KXD1: variants seen among roughly 807,000 people sequenced by gnomAD.
KXD1 encodes kxDL motif-containing protein 1.
A neutral mutation model predicts 12.1 loss-of-function variants in KXD1; 5 were observed. That is an observed-to-expected ratio of 0.41 (90% CI 0.22 to 0.87). The LOEUF is 0.87. Ranked by LOEUF, KXD1 falls within the 40% of genes least tolerant of loss-of-function variation. KXD1 has a pLI of 0.31. For missense variants in KXD1, 193 were observed against 244.9 expected, an observed-to-expected ratio of 0.79 and a Z score of 1.41; for synonymous variants, 98 against 100.5, an observed-to-expected ratio of 0.98 and a Z score of 0.15.
rs760498312 is a variant in KXD1 at position 18,564,909 on chromosome 19, T to C, written c.142T>C (p.Phe48Leu). Residue 48 changes from phenylalanine (F) to leucine (L), a missense_variant, in exon 3 of 5, where the codon TTC becomes CTC. Transcript: ENST00000222307. Reference protein sequence around the residue: ...FEKTNEMLLNFNNLSSARLQQ... With the variant: ...FEKTNEMLLNLNNLSSARLQQ... ...GAAGACCAATGAGATGCTGCTCAACTTCAACAACCTGTCCAGTGCCCGCCT... is the reference window on the plus strand; with the variant it reads ...GAAGACCAATGAGATGCTGCTCAACCTCAACAACCTGTCCAGTGCCCGCCT... 1 of 1,613,800 alleles carries C rather than the reference T, an allele frequency of 6.2e-7. No individual in the cohort carries two copies. The highest frequency in any genetic ancestry group is 1.1e-5 in the South Asian group (1 of 91,082).
At chr19:18,561,418 G>C (rs1478696865) in intron 1 of KXD1, 1 of 152,312 alleles carries the variant, frequency 6.6e-6, no homozygotes, top group South Asian at 2.1e-4. Context: ...GCCAGGCGTG[G>C]TGGCGGGCAC....
rs575260957 is a variant in KXD1 at position 18,568,904 on chromosome 19, CAG to C, written c.*274_*275del. On this transcript the variant is annotated 3_prime_UTR_variant, in exon 5 of 5. Transcript: ENST00000222307. ...CCAGCTGGAGTCGTGGGGCTGGGCA[CAG>C]GGGAATTTTTCCAGAGCTGAGCCTG... is the stretch of plus-strand genomic sequence containing the variant. The C allele has an allele frequency of 6.2e-4, 301 of 484,160 alleles. 1 individual carries two copies. The highest frequency in any genetic ancestry group is 4.3e-3 in the South Asian group (168 of 39,406). 30.0% of individuals were successfully genotyped at this position (484,160 alleles called of 1,614,324 possible).
intron 2 of KXD1, among the ~76,000 whole-genome samples, chr19:18,562,579 A>T (rs1974974178): frequency 6.6e-6 from 1 of 152,224 alleles, no homozygotes; most frequent in African/African-American, 2.4e-5. Context: ...CTCCTGCCTC[A>T]GCCCTCTGAG....
In KXD1 at chr19:18,564,101, G is replaced by T. The variant is rs146495801; in HGVS notation, c.102-768G>T. On this transcript the variant is annotated intron_variant, in intron 2 of 4. Transcript: ENST00000222307. ...GCGGTTTTCCCATGTTGGCAAGGCTGGTCTCGAACTCCTGACCTCATGATC... is the reference window on the plus strand; with the variant it reads ...GCGGTTTTCCCATGTTGGCAAGGCTTGTCTCGAACTCCTGACCTCATGATC... Among the ~76,000 whole-genome samples the T allele has an allele frequency of 3.7e-3, 566 of 152,016 alleles. 6 individuals are homozygous for T. The highest frequency in any genetic ancestry group is 0.013 in the African/African-American group (541 of 41,460).
chr19:18,562,091 G>A lies in KXD1; in HGVS notation c.35G>A (p.Cys12Tyr), dbSNP rs748883103. Reference protein sequence around the residue: ...DLPDSASRVFCGRILSMVNTD... With the variant: ...DLPDSASRVFYGRILSMVNTD... ...CCGGACTCGGCCTCGAGGGTCTTCT[G>A]CGGCCGCATCCTGAGCATGGTGAAC... Residue 12 changes from cysteine to tyrosine, a missense_variant, in exon 2 of 5, where the codon TGC becomes TAC. Coordinates refer to ENST00000222307, the MANE Select transcript of KXD1 (RefSeq NM_024069.4). 1 of 1,613,814 alleles carries A rather than the reference G, an allele frequency of 6.2e-7. No individual in the cohort carries two copies. The highest frequency in any genetic ancestry group is 1.7e-5 in the Admixed American group (1 of 59,988).
In KXD1 at chr19:18,568,962, C is replaced by T. The variant is rs1406056166; in HGVS notation, c.*331C>T. On this transcript the variant is annotated 3_prime_UTR_variant, in exon 5 of 5. Transcript: ENST00000222307. ...TGCTCTGAAGAATGCTTAGAAGGTT[C>T]CCAGACACCAGAGCCAGATGTCCCC... is the stretch of plus-strand genomic sequence containing the variant. 1 of 329,888 alleles carries T rather than the reference C, an allele frequency of 3.0e-6. No individual in the cohort carries two copies. The highest frequency in any genetic ancestry group is 5.7e-6 in the Non-Finnish European group (1 of 176,324). The allele number at this position is 329,888 out of a possible 1,614,324, so 20.4% of individuals were successfully genotyped here. A position where few individuals can be genotyped will look rare whatever the true frequency, so the allele number is the denominator to read the frequency against.
chr19:18,568,061 A>G (rs1278530944), intron 4 of KXD1, among the ~76,000 whole-genome samples: 1 of 152,134 alleles, frequency 6.6e-6, no homozygotes, highest in African/African-American at 2.4e-5. Flanking sequence ...TGAGGTCGGG[A>G]GTTCGATACC....
At position 18,568,793 on chromosome 19, in the gene KXD1, TG is replaced by T; in HGVS notation, c.*169del. 6 of 601,644 alleles carry T rather than the reference TG, an allele frequency of 1.0e-5. No homozygotes were observed. Among genetic ancestry groups the T allele is most frequent in the Admixed American group, 3.0e-5 (1 of 33,382 alleles). The allele number at this position is 601,644 out of a possible 1,614,324, so 37.3% of individuals were successfully genotyped here. On this transcript the variant is annotated 3_prime_UTR_variant, in exon 5 of 5. Coordinates refer to ENST00000222307, the MANE Select transcript of KXD1 (RefSeq NM_024069.4). ...TCTCTCCCGAGGGGTGTGGAATTCC[TG>T]GGGGGGTCTTTAATTCTGGCTCCTT...
In KXD1 at chr19:18,562,035, G is replaced by A. The variant is rs774560705; in HGVS notation, c.-21-1G>A. ...GACCACTCTGTTCTTGCCTGTTTCAGGCAGCGGAGGAGGAGAAAGAGATGG... is the reference window on the plus strand; with the variant it reads ...GACCACTCTGTTCTTGCCTGTTTCAAGCAGCGGAGGAGGAGAAAGAGATGG... On this transcript the variant is annotated splice_acceptor_variant, in intron 1 of 4. Coordinates refer to ENST00000222307, the MANE Select transcript of KXD1 (RefSeq NM_024069.4). LOFTEE classifies it low-confidence loss of function (5UTR_SPLICE). 2 of 1,601,228 alleles carry A rather than the reference G, an allele frequency of 1.2e-6. No homozygotes were observed. The highest frequency in any genetic ancestry group is 2.2e-5 in the South Asian group (2 of 89,876).
intron 2 of KXD1, among the ~76,000 whole-genome samples, chr19:18,563,279 C>G (rs978510290): frequency 6.6e-6 from 1 of 151,484 alleles, no homozygotes; most frequent in African/African-American, 2.4e-5. Flanking sequence ...GACCTGATTT[C>G]CTTACCTTTT....
chr19:18,558,748 G>C (rs1356724528), intron 1 of KXD1: 1 of 152,130 alleles, frequency 6.6e-6, no homozygotes, highest in African/African-American at 2.4e-5. Context: ...CAGAGCTCTT[G>C]CTGGGTCAAT....
chr19:18,565,486 C>T (rs905551985), intron 3 of KXD1, among the ~76,000 whole-genome samples: 3 of 151,964 alleles, frequency 2.0e-5, no homozygotes, highest in African/African-American at 7.3e-5. Context: ...GCCGCCTTGG[C>T]CTCCCAAAGT....
chr19:18,558,121 G>C (rs560851396), intron 1 of KXD1: 103 of 152,840 alleles, frequency 6.7e-4, no homozygotes, highest in Non-Finnish European at 1.1e-3. Flanking sequence ...GGCTGGATCT[G>C]GATCCGGATC....
chr19:18,561,766 T>TCGG, intron 1 of KXD1: 1 of 255,848 alleles, frequency 3.9e-6, no homozygotes, highest in Non-Finnish European at 7.6e-6. Flanking sequence ...ACCTGTGGCC[T>TCGG]TGGGCTCATG....
chr19:18,564,222 C>T (rs1365834697), intron 2 of KXD1, among the ~76,000 whole-genome samples: 2 of 152,046 alleles, frequency 1.3e-5, no homozygotes, highest in Non-Finnish European at 2.9e-5. Flanking sequence ...AGACCTGGCT[C>T]TGGGAAACTT....
intron 1 of KXD1, chr19:18,558,486 C>T (rs555799274): frequency 1.6e-4 from 24 of 152,208 alleles, no homozygotes; most frequent in Admixed American, 1.2e-3. Flanking sequence ...TTCTTAGAGG[C>T]CCCTGGGATG....
chr19:18,558,883 A>C (rs1447742701), intron 1 of KXD1: 1 of 151,842 alleles, frequency 6.6e-6, no homozygotes, highest in Non-Finnish European at 1.5e-5. Context: ...CCAGAGACAG[A>C]AAAGAGTCCT....
Position 18,568,750 on chromosome 19 carries a change from C to A in KXD1, c.*119C>A. 1 of 722,332 alleles carries A rather than the reference C, an allele frequency of 1.4e-6. No individual in the cohort carries two copies. The highest frequency in any genetic ancestry group is 2.3e-6 in the Non-Finnish European group (1 of 440,070). 44.7% of individuals were successfully genotyped at this position (722,332 alleles called of 1,614,324 possible). On this transcript the variant is annotated 3_prime_UTR_variant, in exon 5 of 5. Coordinates refer to ENST00000222307, the MANE Select transcript of KXD1 (RefSeq NM_024069.4). ...TGCTGCCCCGTTCTGTCACCCAGGG[C>A]TCCTAGGGGGACAAGGCTCTCTCCC...
chr19:18,565,090 C>G (rs1285151352), intron 3 of KXD1, 69 bp downstream of exon 3: 5 of 1,579,594 alleles, frequency 3.2e-6, no homozygotes, highest in Non-Finnish European at 4.3e-6. Context: ...CCTCAGTTTC[C>G]TTCACATACC....
Sources: gnomAD v4.1 joint callset for allele counts (sites outside exome capture counted in the v4.1 genomes callset) on GRCh38, gnomAD v4.1.1 for gene constraint, MANE v1.5 for transcripts, NCBI Gene and HGNC (gene_info 2026-07-23, HGNC 2026-07-21) for gene names.